NELL1: variants seen among roughly 807,000 people sequenced by gnomAD.
NELL1 encodes protein kinase C-binding protein NELL1.
NELL1 carries 76 observed loss-of-function variants against 107.4 expected under a neutral mutation model. The ratio of observed to expected loss-of-function variants is 0.71; its 90% CI spans 0.59 to 0.86. NELL1 has a LOEUF of 0.86. Ranked by LOEUF, NELL1 falls within the 40% of genes least tolerant of loss-of-function variation. The pLI, the probability that NELL1 is intolerant of heterozygous loss-of-function variation, is 0.00. For missense variants in NELL1, 1,024 were observed against 1,005.5 expected (o/e 1.02, Z -0.25); for synonymous variants, 353 against 341.2 (o/e 1.03, Z -0.38).
chr11:20,738,282 T>C (rs1278447396), intron 2 of NELL1, among the ~76,000 whole-genome samples: 1 of 152,186 alleles, frequency 6.6e-6, no homozygotes, highest in African/African-American at 2.4e-5. Flanking sequence ...TGAGCAGAGA[T>C]GCAGTGCTTT....
intron 12 of NELL1, among the ~76,000 whole-genome samples, chr11:21,078,060 G>T (rs1457277133): frequency 6.6e-6 from 1 of 151,968 alleles, no homozygotes; most frequent in Non-Finnish European, 1.5e-5. Flanking sequence ...ACGTCCTTAT[G>T]ATTTTTTCAA....
intron 15 of NELL1, among the ~76,000 whole-genome samples, chr11:21,409,972 T>G (rs1057442623): frequency 3.9e-5 from 6 of 152,070 alleles, no homozygotes; most frequent in African/African-American, 1.4e-4. Flanking sequence ...TTTTTTTAAT[T>G]TAGGATATTG....
chr11:20,814,144 CA>C (rs1564920042), intron 3 of NELL1, among the ~76,000 whole-genome samples: 8 of 4,858 alleles, frequency 1.6e-3, no homozygotes, highest in South Asian at 0.026. Flanking sequence ...TACAGGCGCA[CA>C]CCGCCACGCC....
intron 13 of NELL1, among the ~76,000 whole-genome samples, chr11:21,141,449 G>A (rs1266645998): frequency 6.6e-6 from 1 of 152,122 alleles, no homozygotes; most frequent in African/African-American, 2.4e-5. Flanking sequence ...GATCTTGGGT[G>A]AGCCAGTTAA....
intron 15 of NELL1, among the ~76,000 whole-genome samples, chr11:21,468,604 A>AT (rs1854092662): frequency 6.6e-6 from 1 of 152,052 alleles, no homozygotes. Flanking sequence ...ATAACAAGTT[A>AT]TTATCTGACT....
intron 4 of NELL1, among the ~76,000 whole-genome samples, chr11:20,848,198 C>A (rs535152492): frequency 5.3e-5 from 8 of 152,316 alleles, no homozygotes; most frequent in African/African-American, 1.9e-4. Flanking sequence ...ATCAAGCTCA[C>A]CTTTGCTTAA....
At chr11:21,191,323 C>T (rs1361799086) in intron 13 of NELL1, among the ~76,000 whole-genome samples, 1 of 151,660 alleles carries the variant, frequency 6.6e-6, no homozygotes, top group Non-Finnish European at 1.5e-5. Flanking sequence ...GGACGTGGCT[C>T]AATGTTGCTG....
At chr11:21,355,259 G>A (rs1850905991) in intron 14 of NELL1, among the ~76,000 whole-genome samples, 1 of 152,164 alleles carries the variant, frequency 6.6e-6, no homozygotes, top group Admixed American at 6.6e-5. Context: ...CAGTTAGTGA[G>A]AGGCAGACTG....
intron 5 of NELL1, among the ~76,000 whole-genome samples, chr11:20,897,074 T>C (rs1451540599): frequency 1.3e-5 from 2 of 152,152 alleles, no homozygotes. Flanking sequence ...TTAAAGTTCC[T>C]ATGGAACTAA....
At chr11:21,110,910 G>A (rs1409063497) in intron 12 of NELL1, among the ~76,000 whole-genome samples, 2 of 152,128 alleles carry the variant, frequency 1.3e-5, no homozygotes, top group East Asian at 1.9e-4. Flanking sequence ...GGCCTGCAAG[G>A]CCTGCCGGAA....
intron 14 of NELL1, among the ~76,000 whole-genome samples, chr11:21,259,871 G>C (rs1249054865): frequency 6.6e-6 from 1 of 151,814 alleles, no homozygotes. Flanking sequence ...TTTAAATAGA[G>C]TTGTTCTAAT....
At chr11:21,169,526 T>A (rs1370175502) in intron 13 of NELL1, among the ~76,000 whole-genome samples, 1 of 151,958 alleles carries the variant, frequency 6.6e-6, no homozygotes, top group Admixed American at 6.5e-5. Context: ...CTCCTACCCA[T>A]ATTTTCCTTT....
intron 12 of NELL1, among the ~76,000 whole-genome samples, chr11:21,024,603 A>G (rs895549186): frequency 1.3e-5 from 2 of 152,164 alleles, no homozygotes; most frequent in Non-Finnish European, 1.5e-5. Flanking sequence ...GTAAGAGCTC[A>G]GTGACATTTA....
intron 12 of NELL1, among the ~76,000 whole-genome samples, chr11:21,035,728 A>G (rs1453697781): frequency 6.6e-6 from 1 of 152,150 alleles, no homozygotes; most frequent in Non-Finnish European, 1.5e-5. Flanking sequence ...TCGAAGGAAC[A>G]TACTTCAAAA....
At chr11:20,830,839 A>G (rs920760006) in intron 3 of NELL1, among the ~76,000 whole-genome samples, 18 of 152,140 alleles carry the variant, frequency 1.2e-4, no homozygotes, top group African/African-American at 4.1e-4. Flanking sequence ...ACTCACTACT[A>G]TGTGAAAGGC....
At chr11:21,339,707 C>A (rs1351103201) in intron 14 of NELL1, among the ~76,000 whole-genome samples, 1 of 152,138 alleles carries the variant, frequency 6.6e-6, no homozygotes. Flanking sequence ...CTGCCATTCC[C>A]ACAATCAAAA....
At chr11:20,695,268 A>G (rs939896880) in intron 2 of NELL1, among the ~76,000 whole-genome samples, 1 of 152,058 alleles carries the variant, frequency 6.6e-6, no homozygotes, top group Non-Finnish European at 1.5e-5. Context: ...TTCTTTTCCT[A>G]TTTGGATGCC....
At chr11:21,025,034 A>G (rs1351191468) in intron 12 of NELL1, among the ~76,000 whole-genome samples, 2 of 152,110 alleles carry the variant, frequency 1.3e-5, no homozygotes, top group Non-Finnish European at 2.9e-5. Flanking sequence ...CATACAGAAA[A>G]TGTCACTGTC....
At chr11:20,707,433 G>A (rs1442615243) in intron 2 of NELL1, among the ~76,000 whole-genome samples, 1 of 152,206 alleles carries the variant, frequency 6.6e-6, no homozygotes, top group Non-Finnish European at 1.5e-5. Context: ...TCCTTTGGAG[G>A]AGAAGAGGCG....
Sources: allele counts gnomAD v4.1 joint callset (sites outside exome capture counted in the v4.1 genomes callset), GRCh38; gene constraint gnomAD v4.1.1; transcripts MANE v1.5; gene names NCBI Gene and HGNC (gene_info 2026-07-23, HGNC 2026-07-21).